MROH2B: variants seen among roughly 807,000 people sequenced by gnomAD.
MROH2B encodes the protein maestro heat like repeat family member 2B.
A neutral mutation model predicts 208.6 loss-of-function variants in MROH2B; 177 were observed. The ratio of observed to expected loss-of-function variants is 0.85; its 90% CI spans 0.75 to 0.96. The LOEUF (loss-of-function observed/expected upper bound fraction) is 0.96. Ranked by LOEUF, MROH2B falls within the 40% of genes least tolerant of loss-of-function variation. MROH2B has a pLI of 0.00. For synonymous variants in MROH2B, 728 were observed against 659.0 expected (o/e 1.10, Z -1.60); for missense variants, 2,002 against 1,878.7 (o/e 1.07, Z -1.21).
Position 41,018,390 on chromosome 5 carries a change from C to T in MROH2B, c.2714G>A (p.Arg905Lys), listed in dbSNP as rs1435843855. The change falls in exon 27 of 42, where the codon AGA becomes AAA. Residue 905 changes from arginine (R) to lysine (K), a missense_variant. Physicochemically the swap from Arg to Lys is conservative, Grantham distance 26. Transcript: ENST00000399564. The stretch of plus-strand genomic sequence containing the variant: ...CGCAGTGATCTGGAAGGCTCTTTCT[C>T]TTTCCCACTCTTTTTGTGAAACAAG... ...MWLVSQKEWERERAFQITAKV... is the reference protein window; with the variant it reads ...MWLVSQKEWEKERAFQITAKV... 1 of 1,613,110 alleles carries T rather than the reference C, an allele frequency of 6.2e-7. No homozygotes were observed. The highest frequency in any genetic ancestry group is 2.2e-5 in the East Asian group (1 of 44,878).
chr5:41,046,653 G>GA (rs1270803453), intron 17 of MROH2B, among the ~76,000 whole-genome samples: 5 of 150,928 alleles, frequency 3.3e-5, no homozygotes, highest in Non-Finnish European at 7.4e-5. Context: ...GACAGTTTTG[G>GA]AAAAAAAAGA....
At position 41,058,132 on chromosome 5, in the gene MROH2B, G is replaced by T. The variant is rs1201772851; in HGVS notation, c.687C>A (p.Tyr229Ter). 4 of 1,605,786 alleles carry T rather than the reference G, an allele frequency of 2.5e-6. No individual in the cohort carries two copies. The highest frequency in any genetic ancestry group is 1.1e-5 in the South Asian group (1 of 89,374). ...LLLHREDFRG[Y>*]ALGQVPWLLN... ...GGAGCCAGGGCACCTGGCCCAGGGC[G>T]TATCCACGGAAGTCTTCCCGATGCA... The change falls in exon 7 of 42, where the codon TAC (tyrosine) becomes TAA (stop). Residue 229 changes from tyrosine to a stop codon, truncating the protein, a stop_gained. Coordinates refer to ENST00000399564, the MANE Select transcript of MROH2B (RefSeq NM_173489.5). LOFTEE classifies it high-confidence loss of function.
chr5:41,056,130 G>T (rs1016981255), intron 9 of MROH2B, among the ~76,000 whole-genome samples: 1 of 152,164 alleles, frequency 6.6e-6, no homozygotes, highest in Non-Finnish European at 1.5e-5. Context: ...AAGTTAAGAA[G>T]GTTATTAGAG....
rs779433849 is a variant in MROH2B, at chr5:41,045,728, C to T, written c.1836+18G>A. The T allele has an allele frequency of 1.1e-5, 17 of 1,600,754 alleles. No homozygotes were observed. In the South Asian group the frequency reaches 1.7e-4, roughly 16 times the overall value. On this transcript the variant is annotated intron_variant, in intron 18 of 41. Transcript: ENST00000399564. ...TCATAGGTAAAAGCTAAGGTTTCCCCTCAGCTGAAAAACCAACCTTCTCAG... is the reference window on the plus strand; with the variant it reads ...TCATAGGTAAAAGCTAAGGTTTCCCTTCAGCTGAAAAACCAACCTTCTCAG...
intron 29 of MROH2B, among the ~76,000 whole-genome samples, chr5:41,013,477 A>T (rs1212649841): frequency 1.3e-5 from 2 of 152,224 alleles, no homozygotes; most frequent in Non-Finnish European, 2.9e-5. Flanking sequence ...TTAACTAAGC[A>T]AGATGGTAAT....
intron 24 of MROH2B, among the ~76,000 whole-genome samples, chr5:41,022,247 G>A (rs1049630170): frequency 3.3e-5 from 5 of 152,146 alleles, no homozygotes; most frequent in African/African-American, 1.2e-4. Flanking sequence ...AAAGCAGGGC[G>A]AGGCATCACC....
intron 19 of MROH2B, among the ~76,000 whole-genome samples, chr5:41,040,649 A>T (rs1379585164): frequency 6.6e-6 from 1 of 152,138 alleles, no homozygotes; most frequent in Non-Finnish European, 1.5e-5. Flanking sequence ...TGAGAAGCTC[A>T]ATTGGACGTC....
At position 41,050,838 on chromosome 5, in the gene MROH2B, G is replaced by A. The variant is rs116178999; in HGVS notation, c.1344+139C>T. On this transcript the variant is annotated intron_variant, in intron 13 of 41. Transcript: ENST00000399564. ...GGAACCACTATGTGTTGGACACAGCGTTGCAATATACTTCCTCTAGTCAGA... is the reference window on the plus strand; with the variant it reads ...GGAACCACTATGTGTTGGACACAGCATTGCAATATACTTCCTCTAGTCAGA... 5.6e-4 allele frequency: 338 copies of A among 601,744 alleles called. No individual in the cohort carries two copies. In the African/African-American group the frequency reaches 5.7e-3, roughly 10 times the overall value. The allele number at this position is 601,744 out of a possible 1,614,324, so 37.3% of individuals were successfully genotyped here.
rs1330293674 is a variant in MROH2B at position 41,033,145 on chromosome 5, T to C, written c.2257A>G (p.Met753Val). ...SVMNKDMDLQMSFTRSITEIG... is the reference protein window; with the variant it reads ...SVMNKDMDLQVSFTRSITEIG... ...TCAGTGATGCTTCTTGTGAAACTCA[T>C]TTGCAGATCCATGTCCTAAAGCAAA... Residue 753 changes from methionine (M) to valine (V), a missense_variant, in exon 23 of 42, where the codon ATG becomes GTG. Transcript: ENST00000399564. 2.5e-6 allele frequency: 4 copies of C among 1,612,716 alleles called. No individual in the cohort carries two copies. In the East Asian group the frequency reaches 8.9e-5, roughly 36 times the overall value.
At chr5:41,064,337 G>T in intron 5 of MROH2B, 135 bp downstream of exon 5, 1 of 651,092 alleles carries the variant, frequency 1.5e-6, no homozygotes, top group Admixed American at 2.4e-5. Context: ...CATGTGGTAG[G>T]CACTCAATAA....
intron 39 of MROH2B, 57 bp downstream of exon 39, chr5:41,000,162 CG>C: frequency 6.3e-7 from 1 of 1,588,638 alleles, no homozygotes; most frequent in South Asian, 1.2e-5. Context: ...TGCCCTTCTG[CG>C]ATTTGTCTAG....
chr5:41,063,355 C>A (rs894590028), intron 5 of MROH2B, among the ~76,000 whole-genome samples: 3 of 152,142 alleles, frequency 2.0e-5, no homozygotes, highest in Non-Finnish European at 4.4e-5. Context: ...TTGGCTCTGC[C>A]ATGTACTGGC....
At chr5:41,040,153 G>A (rs551615527) in intron 19 of MROH2B, among the ~76,000 whole-genome samples, 69 of 152,058 alleles carry the variant, frequency 4.5e-4, no homozygotes, top group African/African-American at 1.6e-3. Flanking sequence ...GCTAATGGAG[G>A]TTTTTTTTCA....
At chr5:41,059,982 G>A (rs1435495337) in intron 6 of MROH2B, among the ~76,000 whole-genome samples, 2 of 152,098 alleles carry the variant, frequency 1.3e-5, no homozygotes, top group African/African-American at 4.8e-5. Flanking sequence ...CCACTTGACT[G>A]TACCATAGGT....
chr5:41,027,019 C>T (rs112539192), intron 24 of MROH2B, among the ~76,000 whole-genome samples: 1 of 151,632 alleles, frequency 6.6e-6, no homozygotes, highest in Non-Finnish European at 1.5e-5. Context: ...CTTCCTTACA[C>T]CTTATACAAA....
chr5:41,036,117 ATATAT>A (rs1477971601), intron 21 of MROH2B, among the ~76,000 whole-genome samples: 2 of 132,986 alleles, frequency 1.5e-5, no homozygotes, highest in Non-Finnish European at 3.2e-5. Context: ...TGGGAGATAC[ATATAT>A]TATATATACA....
intron 35 of MROH2B, 21 bp downstream of exon 35, chr5:41,005,510 C>G: frequency 6.9e-7 from 1 of 1,452,682 alleles, no homozygotes; most frequent in Non-Finnish European, 9.3e-7. Context: ...TGAGTGTGCT[C>G]TGAGGGCTGT....
chr5:41,032,780 AGG>A lies in MROH2B; in HGVS notation c.2401_2402del (p.Pro801TyrfsTer10). ...TGGCGATTAAGGCTTTCCACCGAAT[AGG>A]GCTAGCTAAGGAATCCAGGGGCTCG... ...RDEPLDSLASPIRWKALIAIR... is the reference protein window; with the variant it reads ...RDEPLDSLASXIRWKALIAIR... On this transcript the variant is annotated frameshift_variant, in exon 24 of 42. Coordinates refer to ENST00000399564, the MANE Select transcript of MROH2B (RefSeq NM_173489.5). LOFTEE classifies it high-confidence loss of function. The A allele has an allele frequency of 2.5e-6, 4 of 1,612,708 alleles. No homozygotes were observed. The highest frequency in any genetic ancestry group is 3.4e-6 in the Non-Finnish European group (4 of 1,179,180).
In MROH2B at chr5:41,051,020, T is replaced by C. The variant is rs373949637; in HGVS notation, c.1301A>G (p.Glu434Gly). Residue 434 changes from glutamate (E) to glycine (G), a missense_variant, in exon 13 of 42, where the codon GAG becomes GGG. Glu to Gly is a moderately conservative substitution (Grantham distance 98, BLOSUM62 -2). Coordinates refer to ENST00000399564, the MANE Select transcript of MROH2B (RefSeq NM_173489.5). ...CAGTGGGTCCAGGGTTTTTAAGACCTCAAGGCTTGTTTCTCGGACAGATTC... is the reference window on the plus strand; with the variant it reads ...CAGTGGGTCCAGGGTTTTTAAGACCCCAAGGCTTGTTTCTCGGACAGATTC... ...EEESVRETSLEVLKTLDPLVI... is the reference protein window; with the variant it reads ...EEESVRETSLGVLKTLDPLVI... The C allele has an allele frequency of 1.6e-5, 25 of 1,564,458 alleles. No homozygotes were observed. The highest frequency in any genetic ancestry group is 2.2e-5 in the Non-Finnish European group (25 of 1,161,882).
Sources: allele counts gnomAD v4.1 joint callset (sites outside exome capture counted in the v4.1 genomes callset), GRCh38; gene constraint gnomAD v4.1.1; transcripts MANE v1.5; gene names NCBI Gene and HGNC (gene_info 2026-07-23, HGNC 2026-07-21).